Variants in PTPRM observed in about 807,000 individuals in gnomAD.
PTPRM encodes the protein receptor-type tyrosine-protein phosphatase mu.
PTPRM carries 47 observed loss-of-function variants against 186.7 expected under a neutral mutation model. The observed-to-expected ratio is 0.25, with a 90% CI of 0.20 to 0.32. The LOEUF (loss-of-function observed/expected upper bound fraction) is 0.32. Ranked by LOEUF, PTPRM falls within the 10% of genes least tolerant of loss-of-function variation. The pLI is 1.00. For synonymous variants in PTPRM, 668 were observed against 674.9 expected, an observed-to-expected ratio of 0.99 and a Z score of 0.16; for missense variants, 1,494 against 1,865.0, an observed-to-expected ratio of 0.80 and a Z score of 3.66.
At chr18:8,348,115 T>A (rs938101506) in intron 23 of PTPRM, among the ~76,000 whole-genome samples, 1 of 152,250 alleles carries the variant, frequency 6.6e-6, no homozygotes, top group African/African-American at 2.4e-5. Flanking sequence ...CAAAATGACA[T>A]GGTTTTTAAG....
chr18:8,172,092 C>T (rs1336762193), intron 14 of PTPRM, among the ~76,000 whole-genome samples: 4 of 152,008 alleles, frequency 2.6e-5, no homozygotes, highest in African/African-American at 9.7e-5. Flanking sequence ...GCTGTATTCT[C>T]GTTTTCAGCA....
chr18:7,848,395 C>A (rs989165013), intron 2 of PTPRM, among the ~76,000 whole-genome samples: 1 of 152,078 alleles, frequency 6.6e-6, no homozygotes, highest in African/African-American at 2.4e-5. Context: ...TAGGCCAACC[C>A]CAATATTTCA....
chr18:8,332,685 C>T (rs1400926519), intron 22 of PTPRM, among the ~76,000 whole-genome samples: 1 of 152,060 alleles, frequency 6.6e-6, no homozygotes, highest in Non-Finnish European at 1.5e-5. Context: ...AGAAATTGGG[C>T]AAACAGCAAG....
At chr18:7,722,206 A>G (rs1259099141) in intron 1 of PTPRM, among the ~76,000 whole-genome samples, 1 of 152,140 alleles carries the variant, frequency 6.6e-6, no homozygotes, top group East Asian at 1.9e-4. Context: ...TTCTGTCTCC[A>G]TAGTTTTGGC....
chr18:8,213,067 A>G lies in PTPRM; in HGVS notation c.2301-30991A>G, dbSNP rs994523109. 2.0e-5 allele frequency among the ~76,000 whole-genome samples: 3 copies of G among 152,188 alleles called. No homozygotes were observed. In the East Asian group the frequency reaches 5.8e-4, roughly 29 times the overall value. On this transcript the variant is annotated intron_variant, in intron 14 of 32. Coordinates refer to ENST00000580170, the MANE Select transcript of PTPRM (RefSeq NM_001105244.2). ...ATAACGTGCAGCACTGTCGAGAATG[A>G]TGTGACGGACAGAGCTTGATGCACA...
intron 13 of PTPRM, among the ~76,000 whole-genome samples, chr18:8,123,302 G>A (rs1456983388): frequency 6.6e-6 from 1 of 152,178 alleles, no homozygotes; most frequent in Non-Finnish European, 1.5e-5. Context: ...TTTCACTCCA[G>A]CAATTGTTTT....
At chr18:7,672,858 G>A (rs947976435) in intron 1 of PTPRM, among the ~76,000 whole-genome samples, 1 of 152,218 alleles carries the variant, frequency 6.6e-6, no homozygotes, top group Non-Finnish European at 1.5e-5. Context: ...TCTAGTGAGT[G>A]GAGGCCCCTG....
intron 14 of PTPRM, among the ~76,000 whole-genome samples, chr18:8,170,615 C>A (rs2093386014): frequency 6.6e-6 from 1 of 151,826 alleles, no homozygotes; most frequent in African/African-American, 2.4e-5. Context: ...TGTATTCTTA[C>A]AAATAAATGT....
At chr18:8,166,682 G>A (rs186023539) in intron 14 of PTPRM, among the ~76,000 whole-genome samples, 108 of 152,180 alleles carry the variant, frequency 7.1e-4, no homozygotes, top group African/African-American at 2.6e-3. Flanking sequence ...AGCTTTTTAC[G>A]AGTATTATCA....
chr18:8,211,377 C>CTTTTTTTTTTTTTTTT (rs970926126), intron 14 of PTPRM, among the ~76,000 whole-genome samples: 124 of 87,242 alleles, frequency 1.4e-3, no homozygotes, highest in Middle Eastern at 9.8e-3. Flanking sequence ...GTCTCTTCTT[C>CTTTTTTTTTTTTTTTT]TTTTTTTTTT....
intron 23 of PTPRM, among the ~76,000 whole-genome samples, chr18:8,368,208 G>A (rs962901727): frequency 1.3e-5 from 2 of 150,854 alleles, no homozygotes; most frequent in East Asian, 3.9e-4. Context: ...TCCCATAAAA[G>A]CATCTTTGCT....
intron 1 of PTPRM, among the ~76,000 whole-genome samples, chr18:7,670,770 A>G (rs556937042): frequency 2.1e-4 from 32 of 152,300 alleles, no homozygotes; most frequent in Non-Finnish European, 4.4e-4. Context: ...ACTTTCTCCA[A>G]TGAATTTTGG....
chr18:7,946,855 A>G, intron 5 of PTPRM: 1 of 446,676 alleles, frequency 2.2e-6, no homozygotes, highest in Non-Finnish European at 4.5e-6. Context: ...GTACTATTGC[A>G]GCACTCCTGT....
intron 19 of PTPRM, among the ~76,000 whole-genome samples, chr18:8,289,516 A>G (rs867914182): frequency 1.3e-5 from 1 of 75,430 alleles, no homozygotes; most frequent in Admixed American, 1.4e-4. Flanking sequence ...GTGTGTATGT[A>G]TATATATACA....
chr18:7,689,392 A>G (rs1181055849), intron 1 of PTPRM, among the ~76,000 whole-genome samples: 2 of 152,184 alleles, frequency 1.3e-5, no homozygotes, highest in Non-Finnish European at 2.9e-5. Context: ...CACAGTAGCA[A>G]TGCCCTCCCT....
chr18:8,273,272 C>T (rs1025180779), intron 19 of PTPRM, among the ~76,000 whole-genome samples: 9 of 152,172 alleles, frequency 5.9e-5, no homozygotes, highest in African/African-American at 1.7e-4. Context: ...TTCTCCCCCA[C>T]CCTACCTTTT....
intron 1 of PTPRM, among the ~76,000 whole-genome samples, chr18:7,630,705 A>T (rs1051954994): frequency 5.3e-5 from 8 of 152,190 alleles, no homozygotes; most frequent in Admixed American, 3.9e-4. Flanking sequence ...TTCTATCATG[A>T]ACTCTGAAGA....
intron 21 of PTPRM, 66 bp from the exon 22 acceptor site, chr18:8,319,112 G>T: frequency 9.0e-7 from 1 of 1,114,702 alleles, no homozygotes. Context: ...AGCAAAGTTA[G>T]CATGCGACTT....
At chr18:7,784,957 G>GAGCA (rs1156300016) in intron 2 of PTPRM, among the ~76,000 whole-genome samples, 1 of 152,164 alleles carries the variant, frequency 6.6e-6, no homozygotes, top group Non-Finnish European at 1.5e-5. Flanking sequence ...CAGGAGGTGG[G>GAGCA]AGCACCCAAG....
Sources: gnomAD v4.1 joint callset for allele counts (sites outside exome capture counted in the v4.1 genomes callset) on GRCh38, gnomAD v4.1.1 for gene constraint, MANE v1.5 for transcripts, NCBI Gene and HGNC (gene_info 2026-07-23, HGNC 2026-07-21) for gene names.